ANO10: variants seen among roughly 807,000 people sequenced by gnomAD.
ANO10 encodes anoctamin-10.
A neutral mutation model predicts 74.7 loss-of-function variants in ANO10; 77 were observed. The ratio of observed to expected loss-of-function variants is 1.03; its 90% CI spans 0.86 to 1.25. ANO10 has a LOEUF of 1.25. ANO10 is among the 50% of genes most tolerant of loss of function. The pLI, the probability that ANO10 is intolerant of heterozygous loss-of-function variation, is 0.00. For missense variants in ANO10, 721 were observed against 778.1 expected (o/e 0.93, Z 0.87); for synonymous variants, 279 against 284.9 (o/e 0.98, Z 0.21).
chr3:43,410,135 T>C (rs887374421), intron 12 of ANO10, among the ~76,000 whole-genome samples: 1 of 151,966 alleles, frequency 6.6e-6, no homozygotes, highest in Non-Finnish European at 1.5e-5. Flanking sequence ...AAATCTTCCG[T>C]ATTTAACATA....
At chr3:43,368,095 TTCTCATGTTTTCTGAGCCTGGCCTG>T (rs1183603027) in intron 12 of ANO10, among the ~76,000 whole-genome samples, 1 of 152,204 alleles carries the variant, frequency 6.6e-6, no homozygotes, top group Non-Finnish European at 1.5e-5. Flanking sequence ...CTCCTGACCA[TTCTCATGTTTTCTGAGCCTGGCCTG>T]TCTCCCACAG....
chr3:43,482,239 T>G (rs2076302910), intron 11 of ANO10, among the ~76,000 whole-genome samples: 1 of 152,130 alleles, frequency 6.6e-6, no homozygotes, highest in African/African-American at 2.4e-5. Context: ...ATTGATGTCT[T>G]ATGTCTCCCT....
chr3:43,585,370 A>C (rs1559741974), intron 4 of ANO10, among the ~76,000 whole-genome samples: 1 of 151,870 alleles, frequency 6.6e-6, no homozygotes, highest in Non-Finnish European at 1.5e-5. Flanking sequence ...GAAAAAAAAC[A>C]ACCTTTGTTT....
chr3:43,603,982 G>C (rs531315869), intron 2 of ANO10, among the ~76,000 whole-genome samples: 4 of 152,236 alleles, frequency 2.6e-5, no homozygotes, highest in African/African-American at 9.6e-5. Context: ...ACTGTGCATA[G>C]ATTTCTATGC....
intron 1 of ANO10, among the ~76,000 whole-genome samples, chr3:43,672,574 A>G (rs766073231): frequency 1.3e-5 from 2 of 152,152 alleles, no homozygotes; most frequent in East Asian, 3.8e-4. Flanking sequence ...ACCTTATTTC[A>G]GATGCACTTT....
chr3:43,586,363 T>C (rs1436599361), intron 4 of ANO10, among the ~76,000 whole-genome samples: 5 of 151,926 alleles, frequency 3.3e-5, no homozygotes, highest in Admixed American at 6.6e-5. Flanking sequence ...AGAACAGGGC[T>C]CCATGGAGGT....
chr3:43,668,793 T>C (rs905000191), intron 1 of ANO10, among the ~76,000 whole-genome samples: 9 of 152,170 alleles, frequency 5.9e-5, no homozygotes, highest in Non-Finnish European at 1.0e-4. Context: ...AACATCATTA[T>C]TGATATACCT....
chr3:43,448,466 C>T (rs1185880202), intron 11 of ANO10, among the ~76,000 whole-genome samples: 1 of 152,172 alleles, frequency 6.6e-6, no homozygotes, highest in Non-Finnish European at 1.5e-5. Flanking sequence ...TTCAGACTGA[C>T]TTCTTCCACT....
intron 12 of ANO10, among the ~76,000 whole-genome samples, chr3:43,382,346 C>T (rs1319765393): frequency 2.0e-5 from 3 of 151,782 alleles, no homozygotes; most frequent in Non-Finnish European, 4.4e-5. Flanking sequence ...GGTGAAACCC[C>T]GTCTCTACTA....
chr3:43,505,856 G>T (rs947424028), intron 11 of ANO10, among the ~76,000 whole-genome samples: 1 of 152,036 alleles, frequency 6.6e-6, no homozygotes, highest in Non-Finnish European at 1.5e-5. Context: ...TGTATAATAG[G>T]GCTAAAAGAT....
In ANO10 at chr3:43,374,671, T is replaced by C. The variant is rs554147047; in HGVS notation, c.1915-7697A>G. Among the ~76,000 whole-genome samples the C allele has an allele frequency of 7.2e-5, 11 of 152,372 alleles. No homozygotes were observed. In the South Asian group the frequency reaches 1.7e-3, roughly 23 times the overall value. ...AGATCTTGCGAGTATCTCTGAATTA[T>C]TGGTGTGGATCCAATTTTGTCTTGT... On this transcript the variant is annotated intron_variant, in intron 12 of 12. Transcript: ENST00000292246.
chr3:43,581,901 G>A (rs762079077), intron 4 of ANO10, among the ~76,000 whole-genome samples: 2 of 150,562 alleles, frequency 1.3e-5, no homozygotes, highest in Non-Finnish European at 3.0e-5. Flanking sequence ...AGTCCGGCCT[G>A]GGCAACAGAG....
intron 12 of ANO10, among the ~76,000 whole-genome samples, chr3:43,395,142 C>G (rs2092353528): frequency 6.6e-6 from 1 of 152,090 alleles, no homozygotes; most frequent in Non-Finnish European, 1.5e-5. Context: ...ATGTTATTAT[C>G]AGGTAATTAT....
At chr3:43,691,098 G>T in intron 1 of ANO10, 1 of 1,472,318 alleles carries the variant, frequency 6.8e-7, no homozygotes, top group Non-Finnish European at 9.0e-7. Flanking sequence ...CGCGCGGGCC[G>T]GGTTAGGGCC....
At chr3:43,443,095 A>C (rs989709240) in intron 11 of ANO10, among the ~76,000 whole-genome samples, 1 of 152,100 alleles carries the variant, frequency 6.6e-6, no homozygotes, top group Non-Finnish European at 1.5e-5. Context: ...TGTGTCTATG[A>C]CCCAGCTCAC....
At chr3:43,640,364 T>A (rs1005815880) in intron 1 of ANO10, among the ~76,000 whole-genome samples, 1 of 152,084 alleles carries the variant, frequency 6.6e-6, no homozygotes. Flanking sequence ...ATTGGCTGAA[T>A]TTTTTTAAAA....
At chr3:43,660,462 A>G (rs1393750131) in intron 1 of ANO10, among the ~76,000 whole-genome samples, 1 of 152,126 alleles carries the variant, frequency 6.6e-6, no homozygotes, top group Non-Finnish European at 1.5e-5. Context: ...ACAAGCTTCA[A>G]TAGCCTATTC....
intron 11 of ANO10, among the ~76,000 whole-genome samples, chr3:43,456,280 T>C (rs918627580): frequency 1.3e-5 from 2 of 152,216 alleles, no homozygotes; most frequent in Non-Finnish European, 1.5e-5. Flanking sequence ...ATACAAAATG[T>C]ATATATTTTA....
chr3:43,540,431 G>C (rs568322353), intron 11 of ANO10, among the ~76,000 whole-genome samples: 5 of 152,312 alleles, frequency 3.3e-5, no homozygotes, highest in African/African-American at 1.2e-4. Flanking sequence ...TCCATATTCT[G>C]ATGATTTTTC....
Sources: allele counts gnomAD v4.1 joint callset (sites outside exome capture counted in the v4.1 genomes callset), GRCh38; gene constraint gnomAD v4.1.1; transcripts MANE v1.5; gene names NCBI Gene and HGNC (gene_info 2026-07-23, HGNC 2026-07-21).